The following LTF variants were observed in gnomAD, a reference collection of about 807,000 sequenced individuals.
LTF encodes the protein epididymis luminal protein 110.
Under a neutral mutation model 87.2 loss-of-function variants are expected in LTF, and 91 were observed. That is an observed-to-expected ratio of 1.04 (90% CI 0.88 to 1.24). The LOEUF is 1.24. LTF is among the 50% of genes most tolerant of loss of function. The pLI is 0.00. For synonymous variants in LTF, 378 were observed against 356.1 expected, an observed-to-expected ratio of 1.06 and a Z score of -0.69; for missense variants, 901 against 904.3, an observed-to-expected ratio of 1.00 and a Z score of 0.05.
At chr3:46,454,517 C>T (rs1335713272) in intron 5 of LTF, among the ~76,000 whole-genome samples, 157 bp from the exon 6 acceptor site, 3 of 152,220 alleles carry the variant, frequency 2.0e-5, no homozygotes, top group Non-Finnish European at 4.4e-5. Context: ...GGTAGGGGCC[C>T]CCTCCAGGTA....
chr3:46,454,326 T>TA lies in LTF; in HGVS notation c.681dup (p.Ile228TyrfsTer8). 6.2e-7 allele frequency: 1 copy of TA among 1,614,118 alleles called. No homozygotes were observed. The highest frequency in any genetic ancestry group is 8.5e-7 in the Non-Finnish European group (1 of 1,180,006). The stretch of plus-strand genomic sequence containing the variant: ...TTACCAAACACTGTGCTCTCTCTGA[T>TA]AAAAGCCACGTCTCCAGCCCCGTCT... On this transcript the variant is annotated frameshift_variant, in exon 6 of 17. Transcript: ENST00000231751. LOFTEE classifies it high-confidence loss of function.
chr3:46,466,969 G>T (rs1703223784), upstream of LTF, among the ~76,000 whole-genome samples: 1 of 152,148 alleles, frequency 6.6e-6, no homozygotes, highest in Non-Finnish European at 1.5e-5. Context: ...GTGTTGGCAA[G>T]AACACAGAGA....
Position 46,454,355 on chromosome 3 carries a change from A to G in LTF, c.653T>C (p.Leu218Pro). 6.2e-7 allele frequency: 1 copy of G among 1,614,152 alleles called. No individual in the cohort carries two copies. Among genetic ancestry groups the G allele is most frequent in the Admixed American group, 1.7e-5 (1 of 60,030 alleles). Residue 218 changes from leucine to proline, a missense_variant, in exon 6 of 17, where the codon CTG becomes CCG. By Grantham distance (98) the Leu-to-Pro change is moderately conservative. Coordinates refer to ENST00000231751, the MANE Select transcript of LTF (RefSeq NM_002343.6). ...YFSYSGAFKC[L>P]RDGAGDVAFI... The stretch of plus-strand genomic sequence containing the variant: ...AGCCACGTCTCCAGCCCCGTCTCTC[A>G]GACACCTGTGAAAAGAGAAACCATC...
At chr3:46,473,009 C>CATCTGGGCCCAGATGCATTCAG (rs1403727983) in intron 1 of LTF, among the ~76,000 whole-genome samples, 2 of 152,068 alleles carry the variant, frequency 1.3e-5, no homozygotes, top group Non-Finnish European at 2.9e-5. Flanking sequence ...CACTACATGT[C>CATCTGGGCCCAGATGCATTCAG]ATCTGGGCCC....
upstream of LTF, chr3:46,464,929 C>T: frequency 1.9e-6 from 3 of 1,552,748 alleles, no homozygotes; most frequent in East Asian, 2.2e-5. Flanking sequence ...GCCCTGCGCC[C>T]CTTTATTCAG....
At chr3:46,470,293 C>T (rs1703266046) in intron 2 of LTF, 2 of 152,284 alleles carry the variant, frequency 1.3e-5, no homozygotes, top group Non-Finnish European at 2.9e-5. Context: ...GGCCCAAGGC[C>T]AGCCATGCAA....
intron 11 of LTF, among the ~76,000 whole-genome samples, chr3:46,446,047 C>G (rs1044957425): frequency 2.6e-5 from 4 of 152,220 alleles, no homozygotes; most frequent in Non-Finnish European, 5.9e-5. Flanking sequence ...GCACAGAGCA[C>G]TGGGACACGA....
intron 16 of LTF, among the ~76,000 whole-genome samples, chr3:46,437,006 G>C (rs1702401458): frequency 6.6e-6 from 1 of 152,134 alleles, no homozygotes; most frequent in African/African-American, 2.4e-5. Context: ...GTCTCTCATT[G>C]AAAACTACCG....
chr3:46,475,168 C>T (rs1405789874), intron 1 of LTF, among the ~76,000 whole-genome samples: 2 of 152,160 alleles, frequency 1.3e-5, no homozygotes, highest in African/African-American at 4.8e-5. Context: ...TACACACATA[C>T]ATTTGACAAC....
At position 46,459,640 on chromosome 3, in the gene LTF, C is replaced by A. The variant is rs904402923; in HGVS notation, c.207+16G>T. On this transcript the variant is annotated intron_variant, in intron 2 of 16. Transcript: ENST00000231751. The stretch of plus-strand genomic sequence containing the variant: ...CCATTCAGCTTGGTCCCAACCAACA[C>A]CCGGCATTGACTCACCGCAATGGCC... 1 of 1,422,038 alleles carries A rather than the reference C, an allele frequency of 7.0e-7. No homozygotes were observed. The highest frequency in any genetic ancestry group is 9.2e-7 in the Non-Finnish European group (1 of 1,081,088). 88.1% of individuals were successfully genotyped at this position (1,422,038 alleles called of 1,614,324 possible). A position where few individuals can be genotyped will look rare whatever the true frequency, so the allele number is the denominator to read the frequency against.
intron 14 of LTF, among the ~76,000 whole-genome samples, chr3:46,439,972 A>G (rs2298950): frequency 0.26 from 39,215 of 152,078 alleles, 6,279 homozygotes; most frequent in Admixed American, 0.38. Flanking sequence ...GAATAGGCCA[A>G]CCTATGGAGA....
At position 46,478,298 on chromosome 3, in the gene LTF, T is replaced by C. The variant is rs181998213; in HGVS notation, c.-320+6688A>G. Among the ~76,000 whole-genome samples the C allele has an allele frequency of 6.4e-3, 968 of 152,292 alleles. 13 individuals carry two copies. The highest frequency in any genetic ancestry group is 5.7e-3 in the Non-Finnish European group (389 of 68,026). On this transcript the variant is annotated intron_variant, in intron 1 of 19. Transcript: ENST00000443496. ...CCCAGCTGCGTCCCGACTGTCAGTCTTGGCTTTGCTCCACACATCTTCTCT... is the reference window on the plus strand; with the variant it reads ...CCCAGCTGCGTCCCGACTGTCAGTCCTGGCTTTGCTCCACACATCTTCTCT...
intron 12 of LTF, 150 bp from the exon 13 acceptor site, chr3:46,443,732 T>A (rs921553060): frequency 5.4e-6 from 4 of 744,534 alleles, no homozygotes; most frequent in African/African-American, 3.5e-5. Flanking sequence ...CAAAGCAACA[T>A]GTTGTCACCA....
At chr3:46,438,871 T>C (rs1429598112) in intron 15 of LTF, among the ~76,000 whole-genome samples, 1 of 152,240 alleles carries the variant, frequency 6.6e-6, no homozygotes, top group East Asian at 1.9e-4. Flanking sequence ...GGGCACCTTC[T>C]GAGTTTGCTG....
Position 46,464,329 on chromosome 3 carries a change from C to T in LTF, c.43+496G>A, listed in dbSNP as rs547064342. On this transcript the variant is annotated intron_variant, in intron 1 of 16. Coordinates refer to ENST00000231751, the MANE Select transcript of LTF (RefSeq NM_002343.6). ...TCTGCCACGGAAGGTGTGCGAATGC[C>T]CCATCTCCTCCTCACAACCCTGTGG... 2.6e-4 allele frequency among the ~76,000 whole-genome samples: 39 copies of T among 152,192 alleles called. 1 individual carries two copies. The highest frequency in any genetic ancestry group is 9.2e-4 in the African/African-American group (38 of 41,466).
At chr3:46,457,738 A>G (rs1261619027) in intron 2 of LTF, among the ~76,000 whole-genome samples, 1 of 152,282 alleles carries the variant, frequency 6.6e-6, no homozygotes, top group Admixed American at 6.5e-5. Flanking sequence ...AACTCTGTTC[A>G]TATCATTTTT....
chr3:46,454,929 C>T (rs1702889967), intron 5 of LTF, among the ~76,000 whole-genome samples: 1 of 152,232 alleles, frequency 6.6e-6, no homozygotes, highest in African/African-American at 2.4e-5. Flanking sequence ...CAGGACTGGA[C>T]ATCTCATGAC....
chr3:46,447,933 G>A (rs968155729), intron 9 of LTF, among the ~76,000 whole-genome samples: 3 of 152,144 alleles, frequency 2.0e-5, no homozygotes, highest in African/African-American at 7.2e-5. Context: ...ATTAAAAATA[G>A]AGAAGTGGAC....
chr3:46,466,820 T>C (rs1489394687), upstream of LTF, among the ~76,000 whole-genome samples: 1 of 152,250 alleles, frequency 6.6e-6, no homozygotes, highest in East Asian at 1.9e-4. Context: ...TGTACCTAAA[T>C]TGGCAACAAG....
Sources: gnomAD v4.1 joint callset for allele counts (sites outside exome capture counted in the v4.1 genomes callset) on GRCh38, gnomAD v4.1.1 for gene constraint, MANE v1.5 for transcripts, NCBI Gene and HGNC (gene_info 2026-07-23, HGNC 2026-07-21) for gene names.